PRIM2: variants seen among roughly 807,000 people sequenced by gnomAD.
The protein encoded by PRIM2 is DNA primase subunit 2.
In PRIM2, 39 loss-of-function variants were observed where a neutral mutation model predicts 67.3. That is an observed-to-expected ratio of 0.58 (90% CI 0.45 to 0.76). The LOEUF is 0.76. Ranked by LOEUF, PRIM2 falls within the 30% of genes least tolerant of loss-of-function variation. The pLI is 0.00. For synonymous variants in PRIM2, 143 were observed against 198.7 expected, an observed-to-expected ratio of 0.72 and a Z score of 2.36; for missense variants, 398 against 598.7, an observed-to-expected ratio of 0.66 and a Z score of 3.50.
At chr6:57,258,750 G>A in the PRIM2 span, among the ~76,000 whole-genome samples, 3 of 151,978 alleles carry the variant, frequency 2.0e-5, no homozygotes, top group Admixed American at 6.6e-5. Flanking sequence ...TATTATCTTT[G>A]GCTCAATAGT....
chr6:57,492,687 TAA>T (rs1773925354), intron 7 of PRIM2, among the ~76,000 whole-genome samples: 1 of 152,238 alleles, frequency 6.6e-6, no homozygotes, highest in African/African-American at 2.4e-5. Context: ...TTCTCTATGC[TAA>T]GTCTTTGAAA....
chr6:57,438,692 C>T (rs1012919712), intron 7 of PRIM2, among the ~76,000 whole-genome samples: 31 of 152,142 alleles, frequency 2.0e-4, no homozygotes, highest in Admixed American at 1.3e-3. Flanking sequence ...ACCATACTAT[C>T]TCCAGGGGGA....
chr6:57,412,532 A>T (rs146100748), intron 7 of PRIM2, among the ~76,000 whole-genome samples: 1 of 151,970 alleles, frequency 6.6e-6, no homozygotes, highest in East Asian at 1.9e-4. Context: ...GCTTTTATCT[A>T]TACTACTTCA....
chr6:57,387,119 T>C (rs1349786965), intron 7 of PRIM2, among the ~76,000 whole-genome samples: 2 of 152,232 alleles, frequency 1.3e-5, no homozygotes, highest in Non-Finnish European at 2.9e-5. Flanking sequence ...ATATCTCCTT[T>C]GTGTTCCCAC....
At chr6:57,273,757 T>C in the PRIM2 span, among the ~76,000 whole-genome samples, 2 of 152,176 alleles carry the variant, frequency 1.3e-5, no homozygotes, top group African/African-American at 4.8e-5. Flanking sequence ...TCTTTTTGGT[T>C]TTATCTACCT....
intron 7 of PRIM2, among the ~76,000 whole-genome samples, chr6:57,477,023 C>G (rs1461576963): frequency 4.6e-5 from 7 of 152,320 alleles, no homozygotes; most frequent in Non-Finnish European, 8.8e-5. Context: ...TTGGGCCTCA[C>G]TCTGTCACCA....
At chr6:57,240,108 T>TTTTTG in the PRIM2 span, among the ~76,000 whole-genome samples, 3 of 135,048 alleles carry the variant, frequency 2.2e-5, no homozygotes, top group Non-Finnish European at 5.0e-5. Context: ...TTTTTTTTTT[T>TTTTTG]TTTTTTTTGA....
At chr6:57,467,112 A>AAAAG (rs1345504566) in intron 7 of PRIM2, among the ~76,000 whole-genome samples, 2 of 149,646 alleles carry the variant, frequency 1.3e-5, no homozygotes, top group Non-Finnish European at 3.0e-5. Flanking sequence ...TCTCAAAAAA[A>AAAAG]AAAAAAAAGA....
chr6:57,252,328 G>C, the PRIM2 span, among the ~76,000 whole-genome samples: 1 of 152,240 alleles, frequency 6.6e-6, no homozygotes, highest in African/African-American at 2.4e-5. Context: ...AATTTTATAC[G>C]CATTATTTAA....
At chr6:57,606,735 T>C (rs1453530567) in intron 12 of PRIM2, among the ~76,000 whole-genome samples, 1 of 152,234 alleles carries the variant, frequency 6.6e-6, no homozygotes, top group African/African-American at 2.4e-5. Flanking sequence ...ACTATCTCAA[T>C]TGAGGACTAC....
chr6:57,399,864 C>T (rs1770647086), intron 7 of PRIM2, among the ~76,000 whole-genome samples: 1 of 152,142 alleles, frequency 6.6e-6, no homozygotes, highest in Non-Finnish European at 1.5e-5. Context: ...TGTTCATATC[C>T]TTTGCCCACT....
At chr6:57,370,819 C>G (rs914017625) in intron 5 of PRIM2, among the ~76,000 whole-genome samples, 1 of 151,824 alleles carries the variant, frequency 6.6e-6, no homozygotes, top group African/African-American at 2.4e-5. Context: ...CTGCCTCAGC[C>G]TCCTGAGTAG....
At chr6:57,415,173 A>G (rs1285072805) in intron 7 of PRIM2, among the ~76,000 whole-genome samples, 1 of 152,204 alleles carries the variant, frequency 6.6e-6, no homozygotes, top group East Asian at 1.9e-4. Context: ...TGGACTAGCT[A>G]TAATTTGTTA....
intron 5 of PRIM2, among the ~76,000 whole-genome samples, chr6:57,330,353 TTTTTTTTGTTTTTG>T (rs1249353142): frequency 1.9e-4 from 23 of 119,426 alleles, no homozygotes; most frequent in African/African-American, 5.6e-4. Context: ...AACTTGTTTT[TTTTTTTTGTTTTTG>T]TTTTTTTGTT....
rs1359928367 is a variant in PRIM2 at position 57,318,449 on chromosome 6, G to A, written c.4G>A (p.Glu2Lys). 1.9e-6 allele frequency: 3 copies of A among 1,611,266 alleles called. No individual in the cohort carries two copies. In the South Asian group the frequency reaches 3.3e-5, roughly 18 times the overall value. Residue 2 changes from glutamate (E) to lysine (K), a missense_variant, in exon 2 of 14, where the codon GAG (glutamate) becomes AAG (lysine). Coordinates refer to ENST00000615550, the MANE Select transcript of PRIM2 (RefSeq NM_000947.5). ...ACTTCCTTCTAAGGTGACCAAGATG[G>A]AGTTTTCTGGAAGAAAGTGGAGGAA... MEFSGRKWRKLR... is the reference protein window; with the variant it reads MKFSGRKWRKLR...
chr6:57,439,942 T>G (rs1224801972), intron 7 of PRIM2, among the ~76,000 whole-genome samples: 1 of 152,194 alleles, frequency 6.6e-6, no homozygotes, highest in Non-Finnish European at 1.5e-5. Flanking sequence ...GAGTGGTTAC[T>G]GCTCATTTAA....
rs1209678565 is a variant in PRIM2 at position 57,487,250 on chromosome 6, A to G, written c.694-20137A>G. Among the ~76,000 whole-genome samples the G allele has an allele frequency of 4.6e-5, 7 of 152,196 alleles. No individual in the cohort carries two copies. In the East Asian group the frequency reaches 1.2e-3, roughly 25 times the overall value. On this transcript the variant is annotated intron_variant, in intron 7 of 13. Coordinates refer to ENST00000615550, the MANE Select transcript of PRIM2 (RefSeq NM_000947.5). ...TTCATGTTGTTAAAGATGGACAAGA[A>G]GATGGAAACTTCCGTGTTGCCCAGG...
chr6:57,314,662 TA>T (rs1451167553), upstream of PRIM2: 2 of 152,240 alleles, frequency 1.3e-5, no homozygotes, highest in African/African-American at 4.8e-5. Context: ...TCAGTGGAAG[TA>T]AAACTTACAT....
Position 57,537,551 on chromosome 6 carries a change from A to C in PRIM2, c.946A>C (p.Ile316Leu), listed in dbSNP as rs1458459515. The change falls in exon 10 of 14, where the codon ATT becomes CTT. Residue 316 changes from isoleucine (I) to leucine (L), a missense_variant. By Grantham distance (5) the Ile-to-Leu change is conservative. Transcript: ENST00000615550. Reference sequence around the variant, plus strand: ...GCAGTATGGCCTATTTCTGAAGGGCATTGGTTTAACTTTGGAACAGGCATT... The same window carrying C: ...GCAGTATGGCCTATTTCTGAAGGGCCTTGGTTTAACTTTGGAACAGGCATT... ...RMQYGLFLKG[I>L]GLTLEQALQF... is the part of the protein sequence containing the mutation. 22 of 1,589,952 alleles carry C rather than the reference A, an allele frequency of 1.4e-5. No individual in the cohort carries two copies. The highest frequency in any genetic ancestry group is 1.8e-5 in the Non-Finnish European group (21 of 1,165,466).
Sources: gnomAD v4.1 joint callset for allele counts (sites outside exome capture counted in the v4.1 genomes callset) on GRCh38, gnomAD v4.1.1 for gene constraint, MANE v1.5 for transcripts, NCBI Gene and HGNC (gene_info 2026-07-23, HGNC 2026-07-21) for gene names.